The following SOX6 variants were observed in gnomAD, a reference collection of about 807,000 sequenced individuals.
The protein encoded by SOX6 is SRY-box transcription factor 6, also known as transcription factor SOX-6.
Under a neutral mutation model 97.8 loss-of-function variants are expected in SOX6, and 11 were observed. The observed-to-expected ratio is 0.11, with a 90% CI of 0.07 to 0.19. SOX6 has a LOEUF of 0.19. Among genes scored for constraint, SOX6 ranks in the 10% least tolerant of loss-of-function variants. The probability of loss-of-function intolerance (pLI) is 1.00; values close to 1 mark genes in which losing one functional copy is unlikely to be tolerated. For synonymous variants in SOX6, 360 were observed against 371.4 expected, an observed-to-expected ratio of 0.97 and a Z score of 0.35; for missense variants, 810 against 1,039.5, an observed-to-expected ratio of 0.78 and a Z score of 3.04.
At chr11:16,161,785 C>T (rs1850757845) in intron 6 of SOX6, among the ~76,000 whole-genome samples, 1 of 152,118 alleles carries the variant, frequency 6.6e-6, no homozygotes, top group African/African-American at 2.4e-5. Flanking sequence ...GAATTGCAGA[C>T]ATTTTCTTGT....
intron 2 of SOX6, among the ~76,000 whole-genome samples, chr11:16,323,552 A>C (rs755165537): frequency 6.6e-6 from 1 of 152,028 alleles, no homozygotes; most frequent in Non-Finnish European, 1.5e-5. Flanking sequence ...GGAATGCCCT[A>C]TATCTTCCTT....
intron 6 of SOX6, among the ~76,000 whole-genome samples, chr11:16,171,817 G>C (rs920764164): frequency 1.3e-5 from 2 of 151,724 alleles, no homozygotes; most frequent in Non-Finnish European, 2.9e-5. Context: ...CAAAATGGGA[G>C]GAAATCAGAA....
At chr11:16,514,907 T>C (rs1483072223) in intron 4 of SOX6, among the ~76,000 whole-genome samples, 1 of 151,812 alleles carries the variant, frequency 6.6e-6, no homozygotes, top group East Asian at 1.9e-4. Flanking sequence ...TAGTATTCCA[T>C]GGTGTATATG....
In SOX6 at chr11:16,055,737, G is replaced by C. The variant is rs1436096659; in HGVS notation, c.1251+15C>G. The C allele has an allele frequency of 2.5e-6, 4 of 1,613,420 alleles. No homozygotes were observed. Among genetic ancestry groups the C allele is most frequent in the Non-Finnish European group, 3.4e-6 (4 of 1,179,632 alleles). ...TTTTCTAAACTGTTTCCACAATGCT[G>C]CAAGGCGAGTGTACCTTAACTTGAG... is the stretch of plus-strand genomic sequence containing the variant. On this transcript the variant is annotated intron_variant, in intron 10 of 15. Coordinates refer to ENST00000683767, the MANE Select transcript of SOX6 (RefSeq NM_001367873.1).
chr11:15,973,713 C>A (rs1853382807), intron 15 of SOX6, among the ~76,000 whole-genome samples: 1 of 152,254 alleles, frequency 6.6e-6, no homozygotes, highest in African/African-American at 2.4e-5. Flanking sequence ...GTCATTACTG[C>A]TGAGACCCTG....
At chr11:16,525,796 A>C (rs1861151255) in intron 4 of SOX6, among the ~76,000 whole-genome samples, 2 of 152,184 alleles carry the variant, frequency 1.3e-5, no homozygotes, top group South Asian at 4.1e-4. Flanking sequence ...GAAAAAAACA[A>C]ACAACCCCAT....
At chr11:16,050,621 T>G (rs1056050227) in intron 10 of SOX6, among the ~76,000 whole-genome samples, 1 of 152,228 alleles carries the variant, frequency 6.6e-6, no homozygotes, top group Non-Finnish European at 1.5e-5. Flanking sequence ...GTGATGTTTC[T>G]TTATATGCTT....
At chr11:16,433,522 T>C (rs1859309893) in intron 1 of SOX6, among the ~76,000 whole-genome samples, 1 of 152,110 alleles carries the variant, frequency 6.6e-6, no homozygotes, top group South Asian at 2.1e-4. Flanking sequence ...TATCAACCAA[T>C]GGATCATCCA....
intron 4 of SOX6, among the ~76,000 whole-genome samples, chr11:16,513,663 C>T (rs1230876870): frequency 1.3e-5 from 2 of 151,910 alleles, no homozygotes; most frequent in Admixed American, 1.3e-4. Flanking sequence ...AACAAACCAG[C>T]AAACGATGTA....
intron 3 of SOX6, among the ~76,000 whole-genome samples, chr11:16,676,473 T>A (rs557178523): frequency 1.3e-5 from 2 of 152,366 alleles, no homozygotes; most frequent in African/African-American, 4.8e-5. Flanking sequence ...CATTTCTTTA[T>A]ACTTGTTGAA....
intron 4 of SOX6, among the ~76,000 whole-genome samples, chr11:16,482,754 G>A (rs1860364545): frequency 6.8e-6 from 1 of 147,364 alleles, no homozygotes; most frequent in African/African-American, 2.5e-5. Flanking sequence ...TGAGTATGTA[G>A]TGTAAGTGCC....
At chr11:16,027,463 C>T (rs559005694) in intron 12 of SOX6, among the ~76,000 whole-genome samples, 2 of 152,088 alleles carry the variant, frequency 1.3e-5, no homozygotes, top group East Asian at 3.9e-4. Context: ...TTTACTGATA[C>T]CTAATATTTT....
chr11:16,331,604 C>T (rs1468375173), intron 2 of SOX6, among the ~76,000 whole-genome samples: 3 of 152,160 alleles, frequency 2.0e-5, no homozygotes, highest in Admixed American at 1.3e-4. Flanking sequence ...AATAACATCT[C>T]TAGCTCTCTT....
At chr11:16,478,518 A>G (rs559619966), upstream of SOX6, among the ~76,000 whole-genome samples, 1 of 152,226 alleles carries the variant, frequency 6.6e-6, no homozygotes, top group Non-Finnish European at 1.5e-5. Context: ...TATTCATCAT[A>G]TCAGTCCAGT....
rs186032023 is a variant in SOX6, at chr11:16,318,111, G to T, written c.445+335C>A. The T allele has an allele frequency of 4.7e-3, 1,753 of 374,548 alleles. 6 individuals carry two copies. Among genetic ancestry groups the T allele is most frequent in the South Asian group, 0.013 (575 of 43,178 alleles). 23.2% of individuals were successfully genotyped at this position (374,548 alleles called of 1,614,324 possible). Reference sequence around the variant, plus strand: ...TATAAAGAAATACTATCCACCAAAAGGAAATAGGGGAGAAAAAATGAAAAA... The same window carrying T: ...TATAAAGAAATACTATCCACCAAAATGAAATAGGGGAGAAAAAATGAAAAA... On this transcript the variant is annotated intron_variant, in intron 3 of 15. Transcript: ENST00000683767.
At chr11:16,215,695 GA>G (rs1157309662) in intron 4 of SOX6, among the ~76,000 whole-genome samples, 1 of 151,944 alleles carries the variant, frequency 6.6e-6, no homozygotes, top group East Asian at 1.9e-4. Flanking sequence ...CCTCAAACCT[GA>G]AAAATTTAAA....
At chr11:16,048,154 T>C (rs1010813214) in intron 11 of SOX6, among the ~76,000 whole-genome samples, 21 of 152,302 alleles carry the variant, frequency 1.4e-4, no homozygotes, top group African/African-American at 4.8e-4. Context: ...AGGAGGGCTA[T>C]TTCAAGGTCA....
Position 16,022,839 on chromosome 11 carries a change from A to G in SOX6, c.1624-7789T>C, listed in dbSNP as rs539681418. On this transcript the variant is annotated intron_variant, in intron 12 of 15. Transcript: ENST00000683767. ...AGCACTCAAGTCTTCCTTCACCTGT[A>G]TGATAAGAACCAAACTTCTCTGTAA... is the stretch of plus-strand genomic sequence containing the variant. Among the ~76,000 whole-genome samples the G allele has an allele frequency of 5.9e-5, 9 of 152,278 alleles. No individual in the cohort carries two copies. The South Asian group carries it at 1.9e-3, about 32-fold the overall frequency.
intron 4 of SOX6, among the ~76,000 whole-genome samples, chr11:16,208,865 A>C (rs781174487): frequency 1.3e-5 from 2 of 152,258 alleles, no homozygotes; most frequent in South Asian, 4.1e-4. Context: ...TTTTAATATC[A>C]TGTAATAAAA....
Sources: gnomAD v4.1 joint callset for allele counts (sites outside exome capture counted in the v4.1 genomes callset) on GRCh38, gnomAD v4.1.1 for gene constraint, MANE v1.5 for transcripts, NCBI Gene and HGNC (gene_info 2026-07-23, HGNC 2026-07-21) for gene names.